Variants in TMA7B observed in about 807,000 individuals in gnomAD.
TMA7B encodes translation machinery associated 7 homolog B, also known as translation machinery-associated protein 7B.
the TMA7B span, among the ~76,000 whole-genome samples, chr22:39,963,386 G>T: frequency 2.0e-5 from 3 of 152,084 alleles, no homozygotes; most frequent in African/African-American, 7.2e-5. Context: ...GAGAGTAAAA[G>T]GGTCAATGTT....
At chr22:39,964,144 T>C in the TMA7B span, 1 of 483,268 alleles carries the variant, frequency 2.1e-6, no homozygotes, top group Admixed American at 3.8e-5. Context: ...TAAATGTATG[T>C]CTGTTTGAAA....
chr22:39,964,491 A>G, the TMA7B span: 2 of 1,029,052 alleles, frequency 1.9e-6, no homozygotes, highest in African/African-American at 3.1e-5. Flanking sequence ...AGCAGAAGAA[A>G]CTCGAGGTGC....
the TMA7B span, among the ~76,000 whole-genome samples, chr22:39,963,753 C>T: frequency 1.6e-3 from 245 of 152,316 alleles, 2 homozygotes; most frequent in African/African-American, 5.7e-3. Flanking sequence ...CGCAGTGGCT[C>T]ACGCCTGTAA....
chr22:39,961,215 C>G, the TMA7B span, among the ~76,000 whole-genome samples: 1 of 152,082 alleles, frequency 6.6e-6, no homozygotes, highest in African/African-American at 2.4e-5. Flanking sequence ...TGGCCTCCCC[C>G]ATAGTGACCC....
At chr22:39,961,642 T>C in the TMA7B span, among the ~76,000 whole-genome samples, 1 of 152,166 alleles carries the variant, frequency 6.6e-6, no homozygotes, top group African/African-American at 2.4e-5. Context: ...CGGAACACAC[T>C]GTGTGTGGTC....
chr22:39,961,499 G>A, the TMA7B span, among the ~76,000 whole-genome samples: 6 of 152,164 alleles, frequency 3.9e-5, no homozygotes, highest in African/African-American at 7.2e-5. Context: ...CAGCAAGACC[G>A]AAAACCACAG....
At chr22:39,964,614 G>A in the TMA7B span, 379 of 707,508 alleles carry the variant, frequency 5.4e-4, 2 homozygotes, top group East Asian at 6.3e-3. Flanking sequence ...TATTTCATCC[G>A]TATTTAAACC....
the TMA7B span, among the ~76,000 whole-genome samples, chr22:39,963,207 T>A: frequency 6.6e-6 from 1 of 152,248 alleles, no homozygotes; most frequent in Non-Finnish European, 1.5e-5. Context: ...ATTGTAGTTC[T>A]ATCACTCAGC....
At chr22:39,961,314 G>T in the TMA7B span, among the ~76,000 whole-genome samples, 1 of 152,100 alleles carries the variant, frequency 6.6e-6, no homozygotes, top group Non-Finnish European at 1.5e-5. Flanking sequence ...AGACAGGAGG[G>T]CAGGAGAAGG....
At chr22:39,962,524 C>A in the TMA7B span, among the ~76,000 whole-genome samples, 3 of 152,116 alleles carry the variant, frequency 2.0e-5, no homozygotes, top group East Asian at 5.8e-4. Flanking sequence ...CAAGTCAAAT[C>A]TATTTCTTAA....
chr22:39,964,648 T>A, the TMA7B span: 1 of 607,948 alleles, frequency 1.6e-6, no homozygotes, highest in African/African-American at 1.9e-5. Context: ...CTATAATATC[T>A]TTTGCCACCT....
At chr22:39,960,437 G>T in the TMA7B span, 1 of 429,808 alleles carries the variant, frequency 2.3e-6, no homozygotes, top group African/African-American at 2.0e-5. Context: ...GCTTCTGGAA[G>T]GGCAGGATTT....
At chr22:39,963,143 A>AAATC in the TMA7B span, among the ~76,000 whole-genome samples, 2 of 152,224 alleles carry the variant, frequency 1.3e-5, no homozygotes, top group Non-Finnish European at 2.9e-5. Flanking sequence ...TTCCAAAGCA[A>AAATC]AATCATTATT....
chr22:39,960,665 A>C, the TMA7B span: 2 of 155,014 alleles, frequency 1.3e-5, no homozygotes, highest in African/African-American at 4.8e-5. Flanking sequence ...TAGGATATAC[A>C]GGGGCGGAAA....
chr22:39,962,526 A>G, the TMA7B span, among the ~76,000 whole-genome samples: 1 of 152,118 alleles, frequency 6.6e-6, no homozygotes, highest in Non-Finnish European at 1.5e-5. Context: ...AGTCAAATCT[A>G]TTTCTTAAGC....
chr22:39,961,002 G>A, the TMA7B span: 1 of 145,906 alleles, frequency 6.9e-6, no homozygotes, highest in African/African-American at 2.6e-5. Flanking sequence ...CTGGAGTGCA[G>A]TGACGCAATC....
At chr22:39,962,857 C>T in the TMA7B span, among the ~76,000 whole-genome samples, 7 of 152,104 alleles carry the variant, frequency 4.6e-5, no homozygotes, top group South Asian at 2.1e-4. Context: ...TCAGTAGAGA[C>T]GGGGTTTCGT....
At chr22:39,962,151 C>T in the TMA7B span, among the ~76,000 whole-genome samples, 21 of 152,166 alleles carry the variant, frequency 1.4e-4, no homozygotes, top group Non-Finnish European at 2.6e-4. Context: ...GGTCGGGCGC[C>T]GTGGCTCATG....
the TMA7B span, among the ~76,000 whole-genome samples, chr22:39,962,127 A>G: frequency 6.6e-6 from 1 of 152,342 alleles, no homozygotes; most frequent in Non-Finnish European, 1.5e-5. Flanking sequence ...CCATTAACAT[A>G]TATTACAAGT....
Sources: gnomAD v4.1 joint callset for allele counts (sites outside exome capture counted in the v4.1 genomes callset) on GRCh38, gnomAD v4.1.1 for gene constraint, MANE v1.5 for transcripts, NCBI Gene and HGNC (gene_info 2026-07-23, HGNC 2026-07-21) for gene names.